The following PDE10A variants were observed in gnomAD, a reference collection of about 807,000 sequenced individuals.
The protein encoded by PDE10A is phosphodiesterase 10A.
Under a neutral mutation model 97.7 loss-of-function variants are expected in PDE10A, and 39 were observed. The ratio of observed to expected loss-of-function variants is 0.40; its 90% CI spans 0.31 to 0.52. The LOEUF (loss-of-function observed/expected upper bound fraction) is 0.52. PDE10A is among the 20% of genes least tolerant of loss of function. The pLI is 0.56. For missense variants in PDE10A, 731 were observed against 1,047.8 expected, an observed-to-expected ratio of 0.70 and a Z score of 4.17; for synonymous variants, 371 against 376.8, an observed-to-expected ratio of 0.98 and a Z score of 0.18.
At chr6:165,335,509 C>T (rs1299918885) in intron 21 of PDE10A, among the ~76,000 whole-genome samples, 1 of 152,112 alleles carries the variant, frequency 6.6e-6, no homozygotes, top group Non-Finnish European at 1.5e-5. Context: ...TACATAGGGA[C>T]ATACTGTGGC....
chr6:165,808,649 T>G (rs372678446), intron 1 of PDE10A, among the ~76,000 whole-genome samples: 2 of 152,244 alleles, frequency 1.3e-5, no homozygotes, highest in East Asian at 3.8e-4. Context: ...CTTACATTTT[T>G]TGGTACTTGC....
rs554995573 is a variant in PDE10A, at chr6:165,943,147, G to GAC, written c.-615+44381_-615+44382insGT. Among the ~76,000 whole-genome samples, 10 of 135,452 alleles carry GAC rather than the reference G, an allele frequency of 7.4e-5. No individual in the cohort carries two copies. The South Asian group carries it at 1.8e-3, about 25-fold the overall frequency. 88.9% of individuals were successfully genotyped at this position (135,452 alleles called of 152,430 possible). On this transcript the variant is annotated intron_variant, in intron 1 of 19. Coordinates refer to the PDE10A transcript ENST00000366882. ...GGGGCAGGGGAGGCAAGAGAGGAGAGAGAGAGAGAGAGAGAAGAAAGAAAG... is the reference window on the plus strand; with the variant it reads ...GGGGCAGGGGAGGCAAGAGAGGAGAGACAGAGAGAGAGAGAGAAGAAAGAAAG...
intron 1 of PDE10A, among the ~76,000 whole-genome samples, chr6:165,821,758 G>A (rs767376311): frequency 3.9e-5 from 6 of 152,056 alleles, no homozygotes; most frequent in Non-Finnish European, 5.9e-5. Context: ...GGCCAGGCTC[G>A]TCTCAAACTC....
At chr6:165,883,734 G>A (rs1781552646) in intron 1 of PDE10A, among the ~76,000 whole-genome samples, 2 of 152,046 alleles carry the variant, frequency 1.3e-5, no homozygotes, top group African/African-American at 2.4e-5. Flanking sequence ...CTGTGAGCCT[G>A]AGAGGAACAC....
chr6:165,722,043 C>T (rs1792179213), intron 1 of PDE10A, among the ~76,000 whole-genome samples: 1 of 152,170 alleles, frequency 6.6e-6, no homozygotes, highest in Admixed American at 6.5e-5. Context: ...CACATACAAA[C>T]AAATTTGTAT....
chr6:165,638,031 G>A (rs1352162490), intron 1 of PDE10A, among the ~76,000 whole-genome samples: 1 of 151,996 alleles, frequency 6.6e-6, no homozygotes, highest in African/African-American at 2.4e-5. Flanking sequence ...CCTGCCGTTA[G>A]CAGATGTTGT....
At chr6:165,810,119 C>A (rs1779238666) in intron 1 of PDE10A, among the ~76,000 whole-genome samples, 1 of 152,266 alleles carries the variant, frequency 6.6e-6, no homozygotes, top group South Asian at 2.1e-4. Context: ...TAAGACTTGG[C>A]AAGCCAGGTG....
chr6:165,388,522 C>A lies in PDE10A; in HGVS notation c.2455-69G>T. The A allele has an allele frequency of 7.3e-7, 1 of 1,371,402 alleles. No homozygotes were observed. The highest frequency in any genetic ancestry group is 1.0e-6 in the Non-Finnish European group (1 of 967,148). 85.0% of individuals were successfully genotyped at this position (1,371,402 alleles called of 1,614,324 possible). On this transcript the variant is annotated intron_variant, in intron 16 of 21. Coordinates refer to ENST00000539869, the MANE Select transcript of PDE10A (RefSeq NM_001385079.1). The surrounding 1 kb of genome is among the most constrained non-coding windows in gnomAD (Gnocchi z 4.0). The stretch of plus-strand genomic sequence containing the variant: ...CACACATGAGCAGACTTACCGCTTA[C>A]ATTCATGTCACATTACTTTCTGGCA...
intron 1 of PDE10A, among the ~76,000 whole-genome samples, chr6:165,746,750 C>T (rs891382793): frequency 6.6e-6 from 1 of 152,192 alleles, no homozygotes; most frequent in Non-Finnish European, 1.5e-5. Flanking sequence ...TTGCCTATGG[C>T]AGATGGAAGA....
At chr6:165,866,590 A>T (rs1238229388) in intron 1 of PDE10A, among the ~76,000 whole-genome samples, 1 of 151,844 alleles carries the variant, frequency 6.6e-6, no homozygotes, top group Non-Finnish European at 1.5e-5. Context: ...GCGTCCTGTT[A>T]ATAAGCCTTC....
At chr6:165,703,995 C>T (rs988264938) in intron 1 of PDE10A, among the ~76,000 whole-genome samples, 1 of 152,196 alleles carries the variant, frequency 6.6e-6, no homozygotes, top group Non-Finnish European at 1.5e-5. Flanking sequence ...TCTTTTCCCA[C>T]ACGTTTTTCA....
chr6:165,982,539 T>G (rs73260573), intron 1 of PDE10A, among the ~76,000 whole-genome samples: 25,047 of 152,190 alleles, frequency 0.16, 2,201 homozygotes, highest in Non-Finnish European at 0.2. Flanking sequence ...CTACAGGTAC[T>G]AAGAGAACAG....
chr6:165,409,931 C>T (rs1188671708), intron 13 of PDE10A, among the ~76,000 whole-genome samples: 1 of 141,350 alleles, frequency 7.1e-6, no homozygotes, highest in African/African-American at 2.6e-5. Flanking sequence ...TGATTAAATC[C>T]AGGTATTATG....
intron 1 of PDE10A, among the ~76,000 whole-genome samples, chr6:165,856,883 T>C (rs1057184941): frequency 6.6e-6 from 1 of 152,170 alleles, no homozygotes; most frequent in African/African-American, 2.4e-5. Context: ...AGAATTCGAC[T>C]CTGGGATGTG....
rs140397781 is a variant in PDE10A at position 165,620,882 on chromosome 6, A to G, written c.865+41065T>C. 1.4e-3 allele frequency among the ~76,000 whole-genome samples: 209 copies of G among 152,146 alleles called. 1 individual carries two copies. Among genetic ancestry groups the G allele is most frequent in the African/African-American group, 4.8e-3 (200 of 41,516 alleles). On this transcript the variant is annotated intron_variant, in intron 1 of 21. Transcript: ENST00000539869. ...CTAAAAATACTAAAGTTAGCTGGGT[A>G]TGATAGTGTGCACCTGTAGTCCCAG...
intron 1 of PDE10A, among the ~76,000 whole-genome samples, chr6:165,747,135 T>G (rs1223160714): frequency 6.6e-6 from 1 of 152,244 alleles, no homozygotes; most frequent in Non-Finnish European, 1.5e-5. Flanking sequence ...AGTCCAAAAC[T>G]ACAACCAGAG....
Position 165,655,868 on chromosome 6 carries a change from C to T in PDE10A, c.865+6079G>A, listed in dbSNP as rs531192653. 1.4e-3 allele frequency among the ~76,000 whole-genome samples: 212 copies of T among 152,082 alleles called. No homozygotes were observed. Among genetic ancestry groups the T allele is most frequent in the African/African-American group, 4.9e-3 (204 of 41,466 alleles). On this transcript the variant is annotated intron_variant, in intron 1 of 21. Transcript: ENST00000539869. This position sits in a 1 kb window ranked among gnomAD's most constrained non-coding sequence, Gnocchi z 4.5. The stretch of plus-strand genomic sequence containing the variant: ...CTCAGCTCCAGCACGGCCGTCACCC[C>T]GCTCCTCTGCCTTGTGAGCCCCCTC...
intron 1 of PDE10A, chr6:165,947,239 C>A (rs541206753): frequency 1.3e-5 from 2 of 152,146 alleles, no homozygotes; most frequent in East Asian, 1.9e-4. Context: ...CAGATCTAAA[C>A]GTTTATAAAT....
chr6:165,736,761 A>G (rs1792585258), intron 1 of PDE10A, among the ~76,000 whole-genome samples: 1 of 152,220 alleles, frequency 6.6e-6, no homozygotes, highest in Admixed American at 6.5e-5. Context: ...ACTAAAAAAG[A>G]ACAAACTAAG....
Sources: gnomAD v4.1 joint callset for allele counts (sites outside exome capture counted in the v4.1 genomes callset) on GRCh38, gnomAD v4.1.1 for gene constraint, Gnocchi (gnomAD v3.1) non-coding constraint, MANE v1.5 for transcripts, NCBI Gene and HGNC (gene_info 2026-07-23, HGNC 2026-07-21) for gene names.